The following VPS13C variants were observed in gnomAD, a reference collection of about 807,000 sequenced individuals.
VPS13C encodes the protein vacuolar protein sorting 13 homolog C, also known as intermembrane lipid transfer protein VPS13C.
VPS13C carries 358 observed loss-of-function variants against 456.8 expected under a neutral mutation model. The observed-to-expected ratio is 0.78, with a 90% CI of 0.72 to 0.86. VPS13C has a LOEUF of 0.86. Among genes scored for constraint, VPS13C ranks in the 40% least tolerant of loss-of-function variants. VPS13C has a pLI of 0.00. For missense variants in VPS13C, 4,818 were observed against 4,385.4 expected (o/e 1.10, Z -2.79); for synonymous variants, 1,578 against 1,486.7 (o/e 1.06, Z -1.41).
intron 42 of VPS13C, among the ~76,000 whole-genome samples, chr15:61,947,953 C>G (rs1431100178): frequency 6.6e-6 from 1 of 152,192 alleles, no homozygotes; most frequent in Non-Finnish European, 1.5e-5. Flanking sequence ...CCTAAATCCA[C>G]TTTAGTCCAG....
In VPS13C at chr15:61,884,119, T is replaced by C. The variant is rs750724139; in HGVS notation, c.9483+9A>G. The C allele has an allele frequency of 2.6e-6, 4 of 1,566,760 alleles. No homozygotes were observed. Among genetic ancestry groups the C allele is most frequent in the East Asian group, 4.6e-5 (2 of 43,206 alleles). On this transcript the variant is annotated intron_variant, in intron 68 of 84. Transcript: ENST00000644861. ...ATATAAAAATCAAAACAAAAGAATTTTGGTATACCTCAAAATTATTATCTA... is the reference window on the plus strand; with the variant it reads ...ATATAAAAATCAAAACAAAAGAATTCTGGTATACCTCAAAATTATTATCTA...
chr15:61,898,372 G>C (rs989735182), intron 66 of VPS13C, among the ~76,000 whole-genome samples: 2 of 151,740 alleles, frequency 1.3e-5, no homozygotes, highest in African/African-American at 2.4e-5. Context: ...CACGTGCAGA[G>C]ACACACATAG....
At chr15:61,919,758 T>C (rs528649355) in intron 57 of VPS13C, among the ~76,000 whole-genome samples, 59 of 150,098 alleles carry the variant, frequency 3.9e-4, no homozygotes, top group African/African-American at 1.4e-3. Flanking sequence ...CTTCTGAATA[T>C]AGCTATTTTC....
At chr15:62,042,652 C>T (rs1029295703) in intron 2 of VPS13C, among the ~76,000 whole-genome samples, 7 of 152,152 alleles carry the variant, frequency 4.6e-5, no homozygotes, top group African/African-American at 1.7e-4. Flanking sequence ...TGGTCTCATG[C>T]TCATTTTAAT....
chr15:61,966,133 T>C lies in VPS13C; in HGVS notation c.3001A>G (p.Asn1001Asp), dbSNP rs1446554818. 6.2e-7 allele frequency: 1 copy of C among 1,604,378 alleles called. No individual in the cohort carries two copies. Among genetic ancestry groups the C allele is most frequent in the Non-Finnish European group, 8.5e-7 (1 of 1,174,724 alleles). Residue 1001 changes from asparagine to aspartate, a missense_variant, in exon 30 of 85, where the codon AAT becomes GAT. Physicochemically the swap from Asn to Asp is conservative, Grantham distance 23 (BLOSUM62 1). This residue lies in a region of VPS13C where 4,552 missense variants were observed against 4,130.6 expected (regional missense o/e 1.10). Coordinates refer to ENST00000644861, the MANE Select transcript of VPS13C (RefSeq NM_020821.3). ...LKVEYIKADK[N>D]GPSFQTAFGK... is the part of the protein sequence containing the mutation. ...AAAGCAGTTTGAAAACTAGGTCCAT[T>C]CTTATCAGCCTGAAAAAAGAAGTAA...
At chr15:61,931,045 A>G in intron 50 of VPS13C, 45 bp downstream of exon 50, 1 of 1,607,812 alleles carries the variant, frequency 6.2e-7, no homozygotes, top group Non-Finnish European at 8.5e-7. Context: ...ATGCAGGTGC[A>G]ATGTCAACCT....
chr15:62,060,418 G>A lies in VPS13C; in HGVS notation c.-44C>T, dbSNP rs1410094246. 1.3e-5 allele frequency: 14 copies of A among 1,065,112 alleles called. No individual in the cohort carries two copies. The highest frequency in any genetic ancestry group is 3.9e-5 in the Admixed American group (2 of 51,258). The allele number at this position is 1,065,112 out of a possible 1,614,324, so 66.0% of individuals were successfully genotyped here. ...GGAGAGGGAGGAGCCGGAACCGCCC[G>A]GCGCAGCTGAGGGCTGCGACCAGCG... On this transcript the variant is annotated 5_prime_UTR_variant, in exon 1 of 85. Transcript: ENST00000644861.
At chr15:61,916,546 C>T (rs1459445658) in intron 60 of VPS13C, among the ~76,000 whole-genome samples, 1 of 152,060 alleles carries the variant, frequency 6.6e-6, no homozygotes, top group Non-Finnish European at 1.5e-5. Context: ...CTAAAAATCT[C>T]CTTACATAAA....
intron 16 of VPS13C, among the ~76,000 whole-genome samples, chr15:61,997,930 C>G (rs530319716): frequency 2.6e-5 from 4 of 152,276 alleles, no homozygotes; most frequent in Admixed American, 6.5e-5. Context: ...TCAAAACCTA[C>G]TATTAGTTTC....
chr15:61,888,602 A>G lies in VPS13C; in HGVS notation c.9341+1563T>C, dbSNP rs76366500. On this transcript the variant is annotated intron_variant, in intron 67 of 84. Coordinates refer to ENST00000644861, the MANE Select transcript of VPS13C (RefSeq NM_020821.3). The stretch of plus-strand genomic sequence containing the variant: ...TGCTAAGTGAAAGAAGTTAATTTGA[A>G]TAGGTTACATACTGCTTGATTCCAA... Among the ~76,000 whole-genome samples, 531 of 152,332 alleles carry G rather than the reference A, an allele frequency of 3.5e-3. 3 individuals are homozygous for G. Among genetic ancestry groups the G allele is most frequent in the East Asian group, 0.018 (95 of 5,188 alleles).
intron 67 of VPS13C, among the ~76,000 whole-genome samples, chr15:61,889,671 G>C (rs929481578): frequency 1.3e-5 from 2 of 152,082 alleles, no homozygotes; most frequent in African/African-American, 4.8e-5. Flanking sequence ...ACCCATTAAA[G>C]ATTATGTACT....
chr15:62,012,119 T>A lies in VPS13C; in HGVS notation c.871A>T (p.Asn291Tyr). ...TACTATTACTTACTGTATTGATAAT[T>A]TGGGGGTATATTTCCACTTGTAAGA... ...EILTSGNIPP[N>Y]YQYIFQPISA... Residue 291 changes from asparagine to tyrosine, a missense_variant, in exon 12 of 85, where the codon AAT becomes TAT. Asn to Tyr is a moderately radical substitution (Grantham distance 143). Transcript: ENST00000644861. 1 of 1,528,670 alleles carries A rather than the reference T, an allele frequency of 6.5e-7. No individual in the cohort carries two copies. Among genetic ancestry groups the A allele is most frequent in the Non-Finnish European group, 9.0e-7 (1 of 1,106,542 alleles). 94.7% of individuals were successfully genotyped at this position (1,528,670 alleles called of 1,614,324 possible).
intron 19 of VPS13C, 127 bp from the exon 20 acceptor site, chr15:61,984,139 T>C (rs1596422329): frequency 1.4e-5 from 11 of 800,912 alleles, no homozygotes; most frequent in Non-Finnish European, 1.9e-5. Context: ...TATCCAGAGC[T>C]GAAGCTCAAC....
intron 45 of VPS13C, among the ~76,000 whole-genome samples, chr15:61,945,087 C>T (rs1252028361): frequency 3.3e-5 from 5 of 152,174 alleles, no homozygotes; most frequent in Non-Finnish European, 4.4e-5. Flanking sequence ...AGGCTCTTCA[C>T]CCTAAGCTTG....
In VPS13C at chr15:61,962,415, A is replaced by G. The variant is rs2045237856; in HGVS notation, c.3559T>C (p.Cys1187Arg). 1 of 1,606,340 alleles carries G rather than the reference A, an allele frequency of 6.2e-7. No individual in the cohort carries two copies. Among genetic ancestry groups the G allele is most frequent in the African/African-American group, 1.3e-5 (1 of 74,804 alleles). ...VDGVLSLNVGCIQIVYLHKFL... is the reference protein window; with the variant it reads ...VDGVLSLNVGRIQIVYLHKFL... Reference sequence around the variant, plus strand: ...TTATGAAGATAGACAATCTGAATACAGCCAACATTCAGAGACAGCACACCA... The same window carrying G: ...TTATGAAGATAGACAATCTGAATACGGCCAACATTCAGAGACAGCACACCA... The change falls in exon 34 of 85, where the codon TGT becomes CGT. Residue 1187 changes from cysteine to arginine, a missense_variant. Coordinates refer to ENST00000644861, the MANE Select transcript of VPS13C (RefSeq NM_020821.3).
intron 3 of VPS13C, among the ~76,000 whole-genome samples, chr15:62,035,528 C>A (rs1213660903): frequency 6.6e-6 from 1 of 151,796 alleles, no homozygotes; most frequent in Admixed American, 6.6e-5. Context: ...CCTTATAGAT[C>A]AACAGTAAAA....
At chr15:62,018,395 C>T (rs1049016701) in intron 9 of VPS13C, among the ~76,000 whole-genome samples, 6 of 151,656 alleles carry the variant, frequency 4.0e-5, no homozygotes, top group African/African-American at 1.5e-4. Context: ...CCAGTTTTTG[C>T]CCATTCACTA....
intron 66 of VPS13C, among the ~76,000 whole-genome samples, chr15:61,905,353 T>C (rs1440714630): frequency 6.6e-6 from 1 of 152,226 alleles, no homozygotes. Flanking sequence ...TTCATGGTTA[T>C]AATTTTCTGT....
chr15:61,957,342 G>C (rs2045037885), intron 37 of VPS13C, among the ~76,000 whole-genome samples: 1 of 152,016 alleles, frequency 6.6e-6, no homozygotes, highest in African/African-American at 2.4e-5. Flanking sequence ...AGGGCAAGAG[G>C]GAGGCCTTCT....
Sources: gnomAD v4.1 joint callset for allele counts (sites outside exome capture counted in the v4.1 genomes callset) on GRCh38, gnomAD v4.1.1 for gene constraint, gnomAD v4.1.1 regional missense constraint, MANE v1.5 for transcripts, NCBI Gene and HGNC (gene_info 2026-07-23, HGNC 2026-07-21) for gene names.